Variants in JPT1 observed in about 807,000 individuals in gnomAD.
JPT1 encodes the protein Jupiter microtubule associated homolog 1, also known as androgen-regulated protein 2.
JPT1 carries 5 observed loss-of-function variants against 17.0 expected under a neutral mutation model. That is an observed-to-expected ratio of 0.29 (90% CI 0.15 to 0.62). The LOEUF is 0.62. Among genes scored for constraint, JPT1 ranks in the 20% least tolerant of loss-of-function variants. JPT1 has a pLI of 0.85. For synonymous variants in JPT1, 71 were observed against 73.6 expected, an observed-to-expected ratio of 0.96 and a Z score of 0.18; for missense variants, 158 against 188.1, an observed-to-expected ratio of 0.84 and a Z score of 0.94.
chr17:75,143,953 G>A (rs1373803849), intron 4 of JPT1, among the ~76,000 whole-genome samples: 1 of 152,136 alleles, frequency 6.6e-6, no homozygotes, highest in Non-Finnish European at 1.5e-5. Flanking sequence ...AGTCCAGGAG[G>A]TTGAGGCTAT....
chr17:75,145,893 TAGTG>T (rs1229290222), intron 4 of JPT1: 7 of 151,650 alleles, frequency 4.6e-5, no homozygotes, highest in Middle Eastern at 3.4e-3. Flanking sequence ...CTGGGCAACA[TAGTG>T]AGACCTCATC....
intron 4 of JPT1, among the ~76,000 whole-genome samples, chr17:75,140,340 G>A (rs945985168): frequency 2.0e-5 from 3 of 151,922 alleles, no homozygotes; most frequent in Non-Finnish European, 4.4e-5. Context: ...GACACTCCTG[G>A]TCTCTTTTCT....
rs563512400 is a variant in JPT1, at chr17:75,153,890, C to T, written c.56+452G>A. 113 of 152,528 alleles carry T rather than the reference C, an allele frequency of 7.4e-4. No individual in the cohort carries two copies. The Middle Eastern group carries it at 0.01, about 14-fold the overall frequency. 9.4% of individuals were successfully genotyped at this position (152,528 alleles called of 1,614,324 possible). ...CGAGAGCGAGACCAACCGCATGCCA[C>T]GGGGGAGAGACAGGAGCGCGTGGCC... On this transcript the variant is annotated intron_variant, in intron 1 of 4. Coordinates refer to ENST00000409753, the MANE Select transcript of JPT1 (RefSeq NM_016185.4).
At chr17:75,137,946 G>A (rs939788622) in intron 4 of JPT1, among the ~76,000 whole-genome samples, 19 of 150,938 alleles carry the variant, frequency 1.3e-4, no homozygotes, top group Non-Finnish European at 2.1e-4. Context: ...ACTGCACCCG[G>A]CCTAGTTTTC....
intron 4 of JPT1, among the ~76,000 whole-genome samples, chr17:75,143,868 A>AG (rs1041321592): frequency 2.6e-5 from 4 of 151,934 alleles, no homozygotes; most frequent in African/African-American, 9.7e-5. Context: ...CTCCATCTCG[A>AG]GAAAAAAAAG....
Position 75,146,666 on chromosome 17 carries a change from C to T in JPT1, c.316G>A (p.Glu106Lys). ...AAATTTGGTCTTCAGAAGTACTTAC[C>T]ATGAATATCACCTTCTCCCTAGAAA... ...LDLKGEGDIH[E>K]NVDTDLPGSL... Residue 106 changes from glutamate (E) to lysine (K), a missense_variant and splice_region_variant, in exon 4 of 5, where the codon GAA (glutamate) becomes AAA (lysine). Transcript: ENST00000409753. 1 of 1,540,888 alleles carries T rather than the reference C, an allele frequency of 6.5e-7. No individual in the cohort carries two copies. Among genetic ancestry groups the T allele is most frequent in the Non-Finnish European group, 8.8e-7 (1 of 1,135,690 alleles).
chr17:75,144,198 C>A (rs552300671), intron 4 of JPT1, among the ~76,000 whole-genome samples: 1 of 152,266 alleles, frequency 6.6e-6, no homozygotes, highest in East Asian at 1.9e-4. Flanking sequence ...TATCTCCTCA[C>A]TGGGCTGTTT....
Position 75,142,856 on chromosome 17 carries a change from ATAT to A in JPT1, c.316+3807_316+3809del, listed in dbSNP as rs758107194. 172 of 449,284 alleles carry A rather than the reference ATAT, an allele frequency of 3.8e-4. 2 individuals carry two copies. The highest frequency in any genetic ancestry group is 4.5e-4 in the Non-Finnish European group (101 of 223,906). 27.8% of individuals were successfully genotyped at this position (449,284 alleles called of 1,614,324 possible). On this transcript the variant is annotated intron_variant, in intron 4 of 4. Transcript: ENST00000409753. ...CAATGCAAAAGTAACTGGTCCTGTG[ATAT>A]TATGATATACATACGTATATGAAAA...
intron 4 of JPT1, among the ~76,000 whole-genome samples, chr17:75,144,338 A>G (rs1378167564): frequency 3.3e-5 from 5 of 151,892 alleles, no homozygotes; most frequent in African/African-American, 1.2e-4. Context: ...TAGTGAGACC[A>G]CATCTCTACA....
chr17:75,142,005 G>A (rs1210020205), intron 4 of JPT1, among the ~76,000 whole-genome samples: 1 of 152,028 alleles, frequency 6.6e-6, no homozygotes, highest in Non-Finnish European at 1.5e-5. Flanking sequence ...GGAGGCGGAG[G>A]TTGCCTTGAG....
chr17:75,148,061 T>C (rs754393505), intron 2 of JPT1: 6 of 224,298 alleles, frequency 2.7e-5, no homozygotes, highest in Non-Finnish European at 4.5e-5. Flanking sequence ...TCTCACATTA[T>C]GAAATGAGGA....
chr17:75,141,134 G>A (rs1005174330), intron 4 of JPT1: 2 of 152,488 alleles, frequency 1.3e-5, no homozygotes, highest in African/African-American at 4.8e-5. Context: ...GCCAGGCATG[G>A]TGGCATGCAA....
At chr17:75,148,172 C>A (rs948852276) in intron 2 of JPT1, among the ~76,000 whole-genome samples, 11 of 152,204 alleles carry the variant, frequency 7.2e-5, no homozygotes, top group African/African-American at 2.7e-4. Flanking sequence ...TTTCCCATTT[C>A]TTTCCTCTCA....
At chr17:75,152,009 G>A (rs1188231637) in intron 1 of JPT1, among the ~76,000 whole-genome samples, 1 of 151,152 alleles carries the variant, frequency 6.6e-6, no homozygotes, top group African/African-American at 2.4e-5. Flanking sequence ...ACTAGTACCC[G>A]AACACCAGCT....
chr17:75,145,089 G>A (rs1036949212), intron 4 of JPT1, among the ~76,000 whole-genome samples: 2 of 148,530 alleles, frequency 1.3e-5, no homozygotes, highest in Admixed American at 6.9e-5. Context: ...GCTTGAACCC[G>A]GGAGGCAGAG....
chr17:75,152,974 C>A (rs1598211679), intron 1 of JPT1: 1 of 152,236 alleles, frequency 6.6e-6, no homozygotes, highest in Non-Finnish European at 1.5e-5. Flanking sequence ...ATGCTTTCCT[C>A]CTAAGGCTCA....
chr17:75,136,329 C>CA (rs1568026489), intron 4 of JPT1, 79 bp from the exon 5 acceptor site: 3 of 1,257,436 alleles, frequency 2.4e-6, no homozygotes, highest in Non-Finnish European at 3.2e-6. Context: ...TTCTCTTTTT[C>CA]TTTTTTTTTT....
intron 4 of JPT1, among the ~76,000 whole-genome samples, chr17:75,141,849 G>A (rs943466664): frequency 6.6e-6 from 1 of 151,360 alleles, no homozygotes. Context: ...TGGGTAGATC[G>A]CTTGAGGTCA....
At chr17:75,142,834 T>C (rs2074353050) in intron 4 of JPT1, 1 of 454,606 alleles carries the variant, frequency 2.2e-6, no homozygotes, top group Middle Eastern at 3.5e-4. Flanking sequence ...TTCGGTCCAA[T>C]GCAAAAGTAA....
Sources: gnomAD v4.1 joint callset for allele counts (sites outside exome capture counted in the v4.1 genomes callset) on GRCh38, gnomAD v4.1.1 for gene constraint, MANE v1.5 for transcripts, NCBI Gene and HGNC (gene_info 2026-07-23, HGNC 2026-07-21) for gene names.